The following C1orf56 variants were observed in gnomAD, a reference collection of about 807,000 sequenced individuals.
C1orf56 encodes protein MENT.
Under a neutral mutation model 20.7 loss-of-function variants are expected in C1orf56, and 14 were observed. The observed-to-expected ratio is 0.68, with a 90% confidence interval of 0.45 to 1.06. C1orf56 has a LOEUF of 1.06. Ranked by LOEUF, C1orf56 falls within the 50% of genes least tolerant of loss-of-function variation. The pLI, the probability that C1orf56 is intolerant of heterozygous loss-of-function variation, is 0.00. For synonymous variants in C1orf56, 187 were observed against 194.7 expected, an observed-to-expected ratio of 0.96 and a Z score of 0.33; for missense variants, 424 against 451.4, an observed-to-expected ratio of 0.94 and a Z score of 0.55.
At position 151,050,512 on chromosome 1, in the gene C1orf56, T is replaced by C; in HGVS notation, c.*54T>C. ...CAGTATCTCAACCTCTCTTGCCCTT[T>C]CAATCCTAGCACCCACTAGATATTT... On this transcript the variant is annotated 3_prime_UTR_variant, in exon 2 of 2. Coordinates refer to ENST00000368926, the MANE Select transcript of C1orf56 (RefSeq NM_017860.5). 2 of 1,532,882 alleles carry C rather than the reference T, an allele frequency of 1.3e-6. No individual in the cohort carries two copies. The highest frequency in any genetic ancestry group is 1.8e-6 in the Non-Finnish European group (2 of 1,124,366). The allele number at this position is 1,532,882 out of a possible 1,614,324, so 95.0% of individuals were successfully genotyped here.
At position 151,048,172 on chromosome 1, in the gene C1orf56, G is replaced by T. The variant is rs1272815490; in HGVS notation, c.325G>T (p.Glu109Ter). The change falls in exon 1 of 2, where the codon GAG becomes TAG. Residue 109 changes from glutamate to a stop codon, truncating the protein, a stop_gained. Transcript: ENST00000368926. LOFTEE classifies it high-confidence loss of function. The surrounding 1 kb of genome is among the most constrained non-coding windows in gnomAD (Gnocchi z 4.8). ...TAACGAGGAGGATGGGTCTTCAGAAGAGGGGGTTGTGATTAATGCCGGAAA... is the reference window on the plus strand; with the variant it reads ...TAACGAGGAGGATGGGTCTTCAGAATAGGGGGTTGTGATTAATGCCGGAAA... ...AINEEDGSSE[E>*]GVVINAGKDS... The T allele has an allele frequency of 1.2e-6, 2 of 1,614,218 alleles. No homozygotes were observed. Among genetic ancestry groups the T allele is most frequent in the East Asian group, 4.5e-5 (2 of 44,892 alleles).
At chr1:151,049,109 T>C (rs999339471) in intron 1 of C1orf56, among the ~76,000 whole-genome samples, 2 of 152,052 alleles carry the variant, frequency 1.3e-5, no homozygotes, top group African/African-American at 4.8e-5. Flanking sequence ...ATAGTTAAGA[T>C]TGGAAATATT....
rs1676153309 is a variant in C1orf56 at position 151,050,455 on chromosome 1, G to A, written c.1023G>A (p.Arg341=). ...TEMQPIDRNQ[R] ...TTACGCAGATAGACAGAAACCAGAG[G>A]TAATGGCCACTTCATCCACATGAGG... The change falls in exon 2 of 2, where the codon AGG becomes AGA. Residue 341 remains arginine, a synonymous_variant. Coordinates refer to ENST00000368926, the MANE Select transcript of C1orf56 (RefSeq NM_017860.5). The A allele has an allele frequency of 5.0e-6, 8 of 1,610,540 alleles. No homozygotes were observed. Among genetic ancestry groups the A allele is most frequent in the Non-Finnish European group, 6.8e-6 (8 of 1,178,780 alleles).
rs755232808 is a variant in C1orf56, at chr1:151,048,305, G to A, written c.458G>A (p.Ser153Asn). Residue 153 changes from serine (S) to asparagine (N), a missense_variant, in exon 1 of 2, where the codon AGC becomes AAC. Transcript: ENST00000368926. This position sits in a 1 kb window ranked among gnomAD's most constrained non-coding sequence, Gnocchi z 4.8. The stretch of plus-strand genomic sequence containing the variant: ...GAGCCTGAAATCAGGCTGACTTCAA[G>A]CCTGCCGCGCTCCCCCGGGAGGTCT... ...SQEPEIRLTS[S>N]LPRSPGRSTE... 6.2e-6 allele frequency: 10 copies of A among 1,614,070 alleles called. No individual in the cohort carries two copies. The East Asian group carries it at 1.8e-4, about 29-fold the overall frequency.
rs780066204 is a variant in C1orf56, at chr1:151,048,695, G to A, written c.848G>A (p.Arg283Lys). ...GCCTCTCAGAGCACCACCAGTACCA[G>A]GACCACCACTACCCCCTTCCCCACC... The part of the protein sequence containing the change: ...NCASQSTTST[R>K]TTTTPFPTIH... The change falls in exon 1 of 2, where the codon AGG becomes AAG. Residue 283 changes from arginine to lysine, a missense_variant. Coordinates refer to ENST00000368926, the MANE Select transcript of C1orf56 (RefSeq NM_017860.5). The surrounding 1 kb of genome is among the most constrained non-coding windows in gnomAD (Gnocchi z 4.8). 9.9e-6 allele frequency: 16 copies of A among 1,611,428 alleles called. No individual in the cohort carries two copies. The highest frequency in any genetic ancestry group is 1.1e-5 in the Non-Finnish European group (13 of 1,178,488).
chr1:151,048,066 C>A lies in C1orf56; in HGVS notation c.219C>A (p.Asp73Glu). 1 of 1,614,094 alleles carries A rather than the reference C, an allele frequency of 6.2e-7. No homozygotes were observed. Among genetic ancestry groups the A allele is most frequent in the South Asian group, 1.1e-5 (1 of 91,090 alleles). The change falls in exon 1 of 2, where the codon GAC becomes GAA. Residue 73 changes from aspartate to glutamate, a missense_variant. Asp to Glu is a conservative substitution (Grantham distance 45, BLOSUM62 2). Coordinates refer to ENST00000368926, the MANE Select transcript of C1orf56 (RefSeq NM_017860.5). The surrounding 1 kb of genome is among the most constrained non-coding windows in gnomAD (Gnocchi z 4.8). Reference sequence around the variant, plus strand: ...AGGACGAGAATGATGCCATGGCCGACGCCGACCGCCTGGCTGGACCAGCGG... The same window carrying A: ...AGGACGAGAATGATGCCATGGCCGAAGCCGACCGCCTGGCTGGACCAGCGG... ...ILEDENDAMA[D>E]ADRLAGPAAA...
At position 151,048,212 on chromosome 1, in the gene C1orf56, G is replaced by A; in HGVS notation, c.365G>A (p.Arg122Lys). The change falls in exon 1 of 2, where the codon AGA becomes AAA. Residue 122 changes from arginine to lysine, a missense_variant. Arg to Lys is a conservative substitution (Grantham distance 26). Transcript: ENST00000368926. This position sits in a 1 kb window ranked among gnomAD's most constrained non-coding sequence, Gnocchi z 4.8. ...VINAGKDSTSRELPSATPNTA... is the reference protein window; with the variant it reads ...VINAGKDSTSKELPSATPNTA... Reference sequence around the variant, plus strand: ...AATGCCGGAAAGGATAGCACCAGCAGAGAGCTTCCCAGTGCGACTCCCAAT... The same window carrying A: ...AATGCCGGAAAGGATAGCACCAGCAAAGAGCTTCCCAGTGCGACTCCCAAT... The A allele has an allele frequency of 6.2e-7, 1 of 1,614,248 alleles. No homozygotes were observed. The highest frequency in any genetic ancestry group is 8.5e-7 in the Non-Finnish European group (1 of 1,180,046).
chr1:151,049,245 C>G (rs587700726), intron 1 of C1orf56, among the ~76,000 whole-genome samples: 2 of 150,896 alleles, frequency 1.3e-5, no homozygotes. Flanking sequence ...TCTTGAGTAG[C>G]TGGGATTACA....
intron 1 of C1orf56, 81 bp from the exon 2 acceptor site, chr1:151,050,357 G>A: frequency 1.5e-6 from 2 of 1,376,632 alleles, no homozygotes. Flanking sequence ...GTTTGTGGGA[G>A]GGGGAGATGA....
chr1:151,047,900 C>A lies in C1orf56; in HGVS notation c.53C>A (p.Pro18His), dbSNP rs755921942. Residue 18 changes from proline to histidine, a missense_variant, in exon 1 of 2, where the codon CCC becomes CAC. Coordinates refer to ENST00000368926, the MANE Select transcript of C1orf56 (RefSeq NM_017860.5). ...TGGGTCCTGCTGCTGAATCTGGGTCCCCGGGCGGCGGGGGCCCAAGGCCTG... is the reference window on the plus strand; with the variant it reads ...TGGGTCCTGCTGCTGAATCTGGGTCACCGGGCGGCGGGGGCCCAAGGCCTG... ...LLWVLLLNLG[P>H]RAAGAQGLTQ... is the part of the protein sequence containing the mutation. The A allele has an allele frequency of 6.2e-7, 1 of 1,607,650 alleles. No individual in the cohort carries two copies. The highest frequency in any genetic ancestry group is 1.3e-5 in the African/African-American group (1 of 74,950).
Position 151,047,781 on chromosome 1 carries a change from A to C in C1orf56, c.-67A>C. On this transcript the variant is annotated 5_prime_UTR_variant, in exon 1 of 2. Coordinates refer to ENST00000368926, the MANE Select transcript of C1orf56 (RefSeq NM_017860.5). ...ACCCGGTGGGTCTACAGCGGAAGGG[A>C]GGGAGCGAAGGTAGGAGGCAGGGCT... 6.9e-7 allele frequency: 1 copy of C among 1,445,680 alleles called. No homozygotes were observed. Among genetic ancestry groups the C allele is most frequent in the Non-Finnish European group, 9.1e-7 (1 of 1,104,474 alleles). 89.6% of individuals were successfully genotyped at this position (1,445,680 alleles called of 1,614,324 possible).
At chr1:151,049,977 CTA>C (rs1676143741) in intron 1 of C1orf56, among the ~76,000 whole-genome samples, 1 of 152,250 alleles carries the variant, frequency 6.6e-6, no homozygotes, top group African/African-American at 2.4e-5. Flanking sequence ...TCCTCACATC[CTA>C]TGAGGTATTA....
In C1orf56 at chr1:151,048,191, C is replaced by G; in HGVS notation, c.344C>G (p.Ala115Gly). ...TCAGAAGAGGGGGTTGTGATTAATG[C>G]CGGAAAGGATAGCACCAGCAGAGAG... ...GSSEEGVVIN[A>G]GKDSTSRELP... Residue 115 changes from alanine to glycine, a missense_variant, in exon 1 of 2, where the codon GCC becomes GGC. Transcript: ENST00000368926. This position sits in a 1 kb window ranked among gnomAD's most constrained non-coding sequence, Gnocchi z 4.8. The G allele has an allele frequency of 6.2e-7, 1 of 1,614,196 alleles. No individual in the cohort carries two copies. The highest frequency in any genetic ancestry group is 2.2e-5 in the East Asian group (1 of 44,876).
In C1orf56 at chr1:151,047,930, A is replaced by G; in HGVS notation, c.83A>G (p.Gln28Arg). Residue 28 changes from glutamine to arginine, a missense_variant, in exon 1 of 2, where the codon CAG becomes CGG. Physicochemically the swap from Gln to Arg is conservative, Grantham distance 43. Transcript: ENST00000368926. ...GCGGCGGGGGCCCAAGGCCTGACCC[A>G]GACTCCGACCGAAATGCAGCGGGTC... The part of the protein sequence containing the change: ...PRAAGAQGLT[Q>R]TPTEMQRVSL... 6.2e-7 allele frequency: 1 copy of G among 1,613,018 alleles called. No homozygotes were observed. Among genetic ancestry groups the G allele is most frequent in the Non-Finnish European group, 8.5e-7 (1 of 1,179,810 alleles).
At position 151,048,026 on chromosome 1, in the gene C1orf56, C is replaced by G; in HGVS notation, c.179C>G (p.Thr60Arg). The change falls in exon 1 of 2, where the codon ACA becomes AGA. Residue 60 changes from threonine (T) to arginine (R), a missense_variant. Physicochemically the swap from Thr to Arg is moderately conservative, Grantham distance 71 (BLOSUM62 -1). Transcript: ENST00000368926. The surrounding 1 kb of genome is among the most constrained non-coding windows in gnomAD (Gnocchi z 4.8). ...STARTGLPRK[T>R]RIILEDENDA... The stretch of plus-strand genomic sequence containing the variant: ...GCCCGGACTGGTCTTCCCCGGAAGA[C>G]AAGGATAATCCTAGAGGACGAGAAT... 3.7e-6 allele frequency: 6 copies of G among 1,614,114 alleles called. No homozygotes were observed. The highest frequency in any genetic ancestry group is 5.1e-6 in the Non-Finnish European group (6 of 1,180,004).
At position 151,050,582 on chromosome 1, in the gene C1orf56, T is replaced by A; in HGVS notation, c.*124T>A. ...CTGGAAAACACATTGTTTGGTCTTG[T>A]GTTTCTTTACAGAGGTACCTGAGGG... On this transcript the variant is annotated 3_prime_UTR_variant, in exon 2 of 2. Transcript: ENST00000368926. 3 of 998,826 alleles carry A rather than the reference T, an allele frequency of 3.0e-6. No homozygotes were observed. Among genetic ancestry groups the A allele is most frequent in the Non-Finnish European group, 4.5e-6 (3 of 671,928 alleles). The allele number at this position is 998,826 out of a possible 1,614,324, so 61.9% of individuals were successfully genotyped here.
chr1:151,048,357 C>T lies in C1orf56; in HGVS notation c.510C>T (p.Ala170=), dbSNP rs1676104169. Residue 170 remains alanine, a synonymous_variant, in exon 1 of 2, where the codon GCC becomes GCT. Transcript: ENST00000368926. This position sits in a 1 kb window ranked among gnomAD's most constrained non-coding sequence, Gnocchi z 4.8. ...RSTEDLPGSQ[A]TLSQWSTPGS... is the part of the protein sequence containing the mutation. ...CTGAGGACCTGCCAGGCTCGCAGGC[C>T]ACCCTGAGCCAGTGGTCCACACCTG... 1.2e-6 allele frequency: 2 copies of T among 1,613,526 alleles called. No individual in the cohort carries two copies. Among genetic ancestry groups the T allele is most frequent in the African/African-American group, 2.7e-5 (2 of 74,944 alleles).
At position 151,047,838 on chromosome 1, in the gene C1orf56, G is replaced by T. The variant is rs756431825; in HGVS notation, c.-10G>T. 2.6e-6 allele frequency: 4 copies of T among 1,551,988 alleles called. No individual in the cohort carries two copies. The highest frequency in any genetic ancestry group is 3.5e-6 in the Non-Finnish European group (4 of 1,153,546). On this transcript the variant is annotated 5_prime_UTR_variant, in exon 1 of 2. Coordinates refer to ENST00000368926, the MANE Select transcript of C1orf56 (RefSeq NM_017860.5). ...ACTGGCCACCCTCCCAACCCCAAGA[G>T]CCCAGCCCCATGGTCCCCGCCGCCG... is the stretch of plus-strand genomic sequence containing the variant.
At chr1:151,049,249 G>C (rs1369814620) in intron 1 of C1orf56, among the ~76,000 whole-genome samples, 3 of 150,122 alleles carry the variant, frequency 2.0e-5, no homozygotes, top group African/African-American at 7.3e-5. Context: ...GAGTAGCTGG[G>C]ATTACAGGCA....
Sources: gnomAD v4.1 joint callset for allele counts (sites outside exome capture counted in the v4.1 genomes callset) on GRCh38, gnomAD v4.1.1 for gene constraint, Gnocchi (gnomAD v3.1) non-coding constraint, MANE v1.5 for transcripts, NCBI Gene and HGNC (gene_info 2026-07-23, HGNC 2026-07-21) for gene names.